Variants in VRK2 observed in about 807,000 individuals in gnomAD.
VRK2 encodes the protein VRK serine/threonine kinase 2.
Under a neutral mutation model 57.6 loss-of-function variants are expected in VRK2, and 60 were observed. The observed-to-expected ratio is 1.04, with a 90% CI of 0.85 to 1.29. The LOEUF is 1.29. VRK2 is among the 50% of genes most tolerant of loss of function. The probability of loss-of-function intolerance (pLI) is 0.00; values close to 1 mark genes in which losing one functional copy is unlikely to be tolerated. For missense variants in VRK2, 705 were observed against 588.1 expected (o/e 1.20, Z -2.06); for synonymous variants, 231 against 199.2 (o/e 1.16, Z -1.35).
intron 1 of VRK2, among the ~76,000 whole-genome samples, chr2:57,931,398 T>A (rs1359094480): frequency 6.6e-6 from 1 of 152,202 alleles, no homozygotes; most frequent in African/African-American, 2.4e-5. Context: ...TTAATACACC[T>A]ATTGGCTATT....
At chr2:58,076,564 A>C (rs1670139070) in intron 2 of VRK2, among the ~76,000 whole-genome samples, 1 of 151,958 alleles carries the variant, frequency 6.6e-6, no homozygotes, top group Admixed American at 6.6e-5. Flanking sequence ...ATTTTTTTGA[A>C]ATACTGATTT....
Position 57,931,216 on chromosome 2 carries a change from T to C in VRK2, c.-439+23377T>C, listed in dbSNP as rs190927416. Among the ~76,000 whole-genome samples the C allele has an allele frequency of 2.4e-4, 37 of 152,248 alleles. 1 individual carries two copies. Among genetic ancestry groups the C allele is most frequent in the Admixed American group, 9.8e-4 (15 of 15,288 alleles). The stretch of plus-strand genomic sequence containing the variant: ...TTTTTGATTTTTTGAGGATATTTAT[T>C]GTTTTTCATAATGGCTGTACCAATT... On this transcript the variant is annotated intron_variant, in intron 1 of 15. Transcript: ENST00000417641.
In VRK2 at chr2:58,086,238, T is replaced by C; in HGVS notation, c.257-101T>C. On this transcript the variant is annotated intron_variant, in intron 4 of 12. Coordinates refer to ENST00000340157, the MANE Select transcript of VRK2 (RefSeq NM_006296.7). ...AAAAAAATTATCTTCTAGGAAGATCTAATTACTTTTTTGGTTAGCTAAATA... is the reference window on the plus strand; with the variant it reads ...AAAAAAATTATCTTCTAGGAAGATCCAATTACTTTTTTGGTTAGCTAAATA... 3 of 981,632 alleles carry C rather than the reference T, an allele frequency of 3.1e-6. No individual in the cohort carries two copies. In the South Asian group the frequency reaches 4.5e-5, roughly 15 times the overall value. The allele number at this position is 981,632 out of a possible 1,614,324, so 60.8% of individuals were successfully genotyped here.
chr2:58,150,065 A>G (rs757839587), intron 12 of VRK2, among the ~76,000 whole-genome samples: 54 of 147,058 alleles, frequency 3.7e-4, no homozygotes, highest in Admixed American at 1.6e-3. Flanking sequence ...AAGGATGGCT[A>G]CTTCACAGAG....
chr2:58,081,743 A>C (rs1284785441), intron 2 of VRK2, among the ~76,000 whole-genome samples: 8 of 151,628 alleles, frequency 5.3e-5, no homozygotes, highest in Non-Finnish European at 1.2e-4. Flanking sequence ...CGTATTCTAG[A>C]TTGCAGTTTT....
intron 2 of VRK2, among the ~76,000 whole-genome samples, chr2:58,028,673 G>A (rs538732199): frequency 2.6e-4 from 39 of 151,326 alleles, no homozygotes; most frequent in African/African-American, 8.3e-4. Context: ...ACTCATAGGT[G>A]GGAACTGAAC....
At chr2:58,139,427 G>T (rs1016429687) in intron 10 of VRK2, among the ~76,000 whole-genome samples, 1 of 151,908 alleles carries the variant, frequency 6.6e-6, no homozygotes, top group African/African-American at 2.4e-5. Flanking sequence ...AATTATAAGC[G>T]TATCAACAAA....
chr2:58,049,101 A>C, intron 2 of VRK2, 134 bp downstream of exon 2: 1 of 1,117,820 alleles, frequency 8.9e-7, no homozygotes, highest in Non-Finnish European at 1.2e-6. Flanking sequence ...TACTCGATTA[A>C]GTAATAATAG....
intron 8 of VRK2, among the ~76,000 whole-genome samples, chr2:58,126,726 G>A (rs1032307113): frequency 2.0e-4 from 31 of 151,724 alleles, no homozygotes; most frequent in Non-Finnish European, 1.8e-4. Context: ...AATATATGTT[G>A]GGCTTATTTC....
At chr2:57,963,420 T>A (rs1451109437) in intron 1 of VRK2, among the ~76,000 whole-genome samples, 2 of 152,218 alleles carry the variant, frequency 1.3e-5, no homozygotes, top group Admixed American at 1.3e-4. Flanking sequence ...TATATTTCTT[T>A]TACCATGTTC....
At chr2:58,019,599 G>C (rs1673688287) in intron 1 of VRK2, among the ~76,000 whole-genome samples, 1 of 152,126 alleles carries the variant, frequency 6.6e-6, no homozygotes, top group Non-Finnish European at 1.5e-5. Flanking sequence ...CAGACTTCCT[G>C]GCTTCTTAGT....
chr2:58,060,741 A>C (rs924980843), intron 2 of VRK2, among the ~76,000 whole-genome samples: 12 of 151,900 alleles, frequency 7.9e-5, no homozygotes, highest in African/African-American at 2.4e-4. Context: ...AGCAGGGCTA[A>C]AGATTCTTAC....
At chr2:58,070,922 C>T (rs1669278986) in intron 2 of VRK2, among the ~76,000 whole-genome samples, 1 of 152,116 alleles carries the variant, frequency 6.6e-6, no homozygotes, top group Admixed American at 6.6e-5. Context: ...ATTTTATATT[C>T]CCACCAGCAA....
intron 1 of VRK2, among the ~76,000 whole-genome samples, chr2:58,008,226 C>G (rs1673313150): frequency 6.6e-6 from 1 of 151,872 alleles, no homozygotes; most frequent in African/African-American, 2.4e-5. Context: ...ACACTAGGGT[C>G]AAATAAGATC....
intron 2 of VRK2, among the ~76,000 whole-genome samples, chr2:58,026,093 C>G (rs576380575): frequency 2.0e-5 from 3 of 152,144 alleles, no homozygotes; most frequent in African/African-American, 7.2e-5. Context: ...AGTCTTCCCT[C>G]TTTCAATGTA....
upstream of VRK2, among the ~76,000 whole-genome samples, chr2:58,045,457 G>A (rs777713665): frequency 1.3e-5 from 2 of 152,112 alleles, no homozygotes; most frequent in Non-Finnish European, 2.9e-5. Flanking sequence ...TACCCAATAT[G>A]GATATTAGGA....
chr2:58,087,601 C>T (rs1346056914), intron 5 of VRK2, among the ~76,000 whole-genome samples: 1 of 151,840 alleles, frequency 6.6e-6, no homozygotes, highest in African/African-American at 2.4e-5. Context: ...ATGGAAGGTG[C>T]CAAACAGAAC....
At chr2:58,037,718 C>T (rs1305475716) in intron 3 of VRK2, among the ~76,000 whole-genome samples, 1 of 152,082 alleles carries the variant, frequency 6.6e-6, no homozygotes, top group South Asian at 2.1e-4. Context: ...CCTTACAATA[C>T]TCCTGCAATA....
intron 1 of VRK2, among the ~76,000 whole-genome samples, chr2:57,977,263 T>C (rs1295027421): frequency 6.6e-6 from 1 of 152,192 alleles, no homozygotes; most frequent in Non-Finnish European, 1.5e-5. Context: ...AAAATAACAT[T>C]GGCAGTTTGA....
Sources: gnomAD v4.1 joint callset for allele counts (sites outside exome capture counted in the v4.1 genomes callset) on GRCh38, gnomAD v4.1.1 for gene constraint, MANE v1.5 for transcripts, NCBI Gene and HGNC (gene_info 2026-07-23, HGNC 2026-07-21) for gene names.